SALL4: variants seen among roughly 807,000 people sequenced by gnomAD.
SALL4 encodes the protein sal-like protein 4.
A neutral mutation model predicts 60.8 loss-of-function variants in SALL4; 4 were observed. The ratio of observed to expected loss-of-function variants is 0.07; its 90% CI spans 0.03 to 0.15. The LOEUF (loss-of-function observed/expected upper bound fraction) is 0.15. SALL4 is among the 10% of genes least tolerant of loss of function. SALL4 has a pLI of 1.00. For missense variants in SALL4, 1,178 were observed against 1,394.7 expected (o/e 0.84, Z 2.48); for synonymous variants, 580 against 574.9 (o/e 1.01, Z -0.13).
chr20:51,786,845 A>G (rs1352266191), intron 3 of SALL4, among the ~76,000 whole-genome samples: 1 of 151,956 alleles, frequency 6.6e-6, no homozygotes, highest in African/African-American at 2.4e-5. Flanking sequence ...CTATAATCCC[A>G]TTACTTTGGG....
In SALL4 at chr20:51,784,646, G is replaced by A. The variant is rs200560828; in HGVS notation, c.2781C>T (p.Ala927=). ...CGATGGCCAACTTCCTTCCACGGCG[G>A]GCTGAGTTATTGTTCGCCCCGTGTG... The part of the protein sequence containing the change: ...YMTHGANNNS[A]RRGRKLAIEN... The change falls in exon 4 of 4, where the codon GCC becomes GCT. Residue 927 remains alanine, a synonymous_variant. Coordinates refer to ENST00000217086, the MANE Select transcript of SALL4 (RefSeq NM_020436.5). 1 of 1,614,158 alleles carries A rather than the reference G, an allele frequency of 6.2e-7. No individual in the cohort carries two copies. Among genetic ancestry groups the A allele is most frequent in the Non-Finnish European group, 8.5e-7 (1 of 1,180,038 alleles).
Position 51,790,005 on chromosome 20 carries a change from A to G in SALL4, c.2461+17T>C, listed in dbSNP as rs777580565. 1 of 1,614,070 alleles carries G rather than the reference A, an allele frequency of 6.2e-7. No individual in the cohort carries two copies. The highest frequency in any genetic ancestry group is 1.1e-5 in the South Asian group (1 of 91,056). On this transcript the variant is annotated intron_variant, in intron 2 of 3. Transcript: ENST00000217086. This position sits in a 1 kb window ranked among gnomAD's most constrained non-coding sequence, Gnocchi z 5.5. The stretch of plus-strand genomic sequence containing the variant: ...TGAGCCCAAAATGGACATAAGTTAA[A>G]TCCAAAGCTCTATCACCTTCCATCT...
Position 51,791,801 on chromosome 20 carries a change from G to C in SALL4, c.682C>G (p.Gln228Glu). 6.2e-7 allele frequency: 1 copy of C among 1,614,098 alleles called. No individual in the cohort carries two copies. ...ILCLQQQQLQ[Q>E]IQLTEQIRIQ... ...CGGATCTGCTCGGTGAGCTGGATCT[G>C]CTGTAGCTGCTGCTGCTGCAGACAC... is the stretch of plus-strand genomic sequence containing the variant. Residue 228 changes from glutamine (Q) to glutamate (E), a missense_variant, in exon 2 of 4, where the codon CAG (glutamine) becomes GAG (glutamate). Coordinates refer to ENST00000217086, the MANE Select transcript of SALL4 (RefSeq NM_020436.5). This position sits in a 1 kb window ranked among gnomAD's most constrained non-coding sequence, Gnocchi z 4.6.
chr20:51,784,192 G>A lies in SALL4; in HGVS notation c.*73C>T. On this transcript the variant is annotated 3_prime_UTR_variant, in exon 4 of 4. Transcript: ENST00000217086. The stretch of plus-strand genomic sequence containing the variant: ...TAAGAAAAAGAAAACAGGAGGAGAT[G>A]AGTTCTTACAAAACAAAGCAGATTC... The A allele has an allele frequency of 5.2e-6, 8 of 1,543,944 alleles. No individual in the cohort carries two copies. The South Asian group carries it at 9.0e-5, about 17-fold the overall frequency.
At position 51,782,855 on chromosome 20, in the gene SALL4, C is replaced by T. The variant is rs1170275322; in HGVS notation, c.*1410G>A. 6.6e-6 allele frequency: 1 copy of T among 151,456 alleles called. No individual in the cohort carries two copies. The highest frequency in any genetic ancestry group is 1.5e-5 in the Non-Finnish European group (1 of 67,916). The allele number at this position is 151,456 out of a possible 1,614,324, so 9.4% of individuals were successfully genotyped here. On this transcript the variant is annotated 3_prime_UTR_variant, in exon 4 of 4. Coordinates refer to ENST00000217086, the MANE Select transcript of SALL4 (RefSeq NM_020436.5). ...ATCAACTCTTAGGCTTTAGACAGGG[C>T]CTGGGAATACTTCAGCGGTCTTAAA...
chr20:51,784,020 A>T lies in SALL4; in HGVS notation c.*245T>A, dbSNP rs1049261458. 1 of 428,960 alleles carries T rather than the reference A, an allele frequency of 2.3e-6. No homozygotes were observed. Among genetic ancestry groups the T allele is most frequent in the East Asian group, 4.5e-5 (1 of 22,014 alleles). 26.6% of individuals were successfully genotyped at this position (428,960 alleles called of 1,614,324 possible). On this transcript the variant is annotated 3_prime_UTR_variant, in exon 4 of 4. Coordinates refer to ENST00000217086, the MANE Select transcript of SALL4 (RefSeq NM_020436.5). The stretch of plus-strand genomic sequence containing the variant: ...GGGTGATAGAGCGAGACTCCATCTC[A>T]AAAAAAAAGAGTCTGTATTTGTTTT...
rs1253953903 is a variant in SALL4, at chr20:51,784,269, C to T, written c.3158G>A (p.Ser1053Asn). Residue 1053 changes from serine to asparagine, a missense_variant, in exon 4 of 4, where the codon AGC (serine) becomes AAC (asparagine). This residue lies in a region of SALL4 where 174 missense variants were observed against 169.6 expected (regional missense o/e 1.03). Coordinates refer to ENST00000217086, the MANE Select transcript of SALL4 (RefSeq NM_020436.5). ...TCCTTCCACGCAAGTTCTCCCTTAG[C>T]TGACCGCAATCTTGTTTTCTTCCAG... ...HFLEENKIAV[S>N] 11 of 1,613,636 alleles carry T rather than the reference C, an allele frequency of 6.8e-6. No homozygotes were observed. Among genetic ancestry groups the T allele is most frequent in the Admixed American group, 1.7e-5 (1 of 59,988 alleles).
chr20:51,792,247 G>A lies in SALL4; in HGVS notation c.236C>T (p.Ala79Val), dbSNP rs749395357. The A allele has an allele frequency of 1.1e-5, 17 of 1,613,736 alleles. No individual in the cohort carries two copies. Among genetic ancestry groups the A allele is most frequent in the Admixed American group, 1.7e-5 (1 of 59,972 alleles). Residue 79 changes from alanine (A) to valine (V), a missense_variant, in exon 2 of 4, where the codon GCG becomes GTG. Coordinates refer to ENST00000217086, the MANE Select transcript of SALL4 (RefSeq NM_020436.5). ...EETHVCEKCC[A>V]EFFSISEFLE... ...GAACTCAGAGATGCTGAAGAACTCC[G>A]CACAGCATTTCTCACAGACGTGCGT...
chr20:51,792,272 T>C lies in SALL4; in HGVS notation c.211A>G (p.Thr71Ala). The C allele has an allele frequency of 6.2e-7, 1 of 1,612,876 alleles. No homozygotes were observed. The highest frequency in any genetic ancestry group is 8.5e-7 in the Non-Finnish European group (1 of 1,180,006). The change falls in exon 2 of 4, where the codon ACG (threonine) becomes GCG (alanine). Residue 71 changes from threonine (T) to alanine (A), a missense_variant. Transcript: ENST00000217086. ...GCACAGCATTTCTCACAGACGTGCG[T>C]CTCCTCCCGACGAAGCCGCTTTACT... ...ATVKRLRREETHVCEKCCAEF... is the reference protein window; with the variant it reads ...ATVKRLRREEAHVCEKCCAEF...
At chr20:51,793,267 T>C (rs1482339753) in intron 1 of SALL4, among the ~76,000 whole-genome samples, 2 of 152,006 alleles carry the variant, frequency 1.3e-5, no homozygotes, top group African/African-American at 4.8e-5. Context: ...GAGGCCACTT[T>C]TGAGAGGCCG....
rs1568866688 is a variant in SALL4, at chr20:51,792,712, C to CAAAAAAAAAA, written c.131-361_131-360insTTTTTTTTTT. ...TCAAAAAAAAAAAAAAAAAAAAAGG[C>CAAAAAAAAAA]AAAAAGGCTGATCCCTGAATTTCTT... is the stretch of plus-strand genomic sequence containing the variant. On this transcript the variant is annotated intron_variant, in intron 1 of 3. Coordinates refer to ENST00000217086, the MANE Select transcript of SALL4 (RefSeq NM_020436.5). 5.0e-5 allele frequency: 26 copies of CAAAAAAAAAA among 519,498 alleles called. 1 individual carries two copies. The highest frequency in any genetic ancestry group is 9.2e-5 in the African/African-American group (3 of 32,560). 32.2% of individuals were successfully genotyped at this position (519,498 alleles called of 1,614,324 possible).
intron 1 of SALL4, chr20:51,792,688 CAAAAAAAA>C (rs57662451): frequency 1.0e-4 from 18 of 179,858 alleles, no homozygotes; most frequent in South Asian, 2.4e-4. Context: ...GACTCCATCT[CAAAAAAAA>C]AAAAAAAAAA....
chr20:51,783,879 G>A lies in SALL4; in HGVS notation c.*386C>T, dbSNP rs2122950374. ...CTACTCAAAATACAAAATTAGCCGG[G>A]CGTGGTGGCACCTGCCTGTAATCCC... On this transcript the variant is annotated 3_prime_UTR_variant, in exon 4 of 4. Transcript: ENST00000217086. 3.7e-6 allele frequency: 1 copy of A among 273,164 alleles called. No homozygotes were observed. Among genetic ancestry groups the A allele is most frequent in the East Asian group, 9.8e-5 (1 of 10,208 alleles). The allele number at this position is 273,164 out of a possible 1,614,324, so 16.9% of individuals were successfully genotyped here.
rs1307939699 is a variant in SALL4 at position 51,788,335 on chromosome 20, G to A, written c.2742+526C>T. On this transcript the variant is annotated intron_variant, in intron 3 of 3. Transcript: ENST00000217086. The surrounding 1 kb of genome is among the most constrained non-coding windows in gnomAD (Gnocchi z 4.1). ...ATGCCCAACTAATTTGTGTGTGTGT[G>A]TGTGTGTGTGTGTGTGTGTGTGTAA... is the stretch of plus-strand genomic sequence containing the variant. Among the ~76,000 whole-genome samples, 2 of 150,470 alleles carry A rather than the reference G, an allele frequency of 1.3e-5. No homozygotes were observed. Among genetic ancestry groups the A allele is most frequent in the East Asian group, 4.0e-4 (2 of 5,024 alleles).
Position 51,791,026 on chromosome 20 carries a change from G to A in SALL4, c.1457C>T (p.Pro486Leu). 1 of 1,614,170 alleles carries A rather than the reference G, an allele frequency of 6.2e-7. No homozygotes were observed. Among genetic ancestry groups the A allele is most frequent in the Non-Finnish European group, 8.5e-7 (1 of 1,180,028 alleles). Reference sequence around the variant, plus strand: ...ATTAGTCCCCGAAGAAAGATTCTGAGGTAGCCCTACAGAGGTGGTTACAAG... The same window carrying A: ...ATTAGTCCCCGAAGAAAGATTCTGAAGTAGCCCTACAGAGGTGGTTACAAG... Reference protein sequence around the residue: ...PVLVTTSVGLPQNLSSGTNPK... With the variant: ...PVLVTTSVGLLQNLSSGTNPK... The change falls in exon 2 of 4, where the codon CCT becomes CTT. Residue 486 changes from proline (P) to leucine (L), a missense_variant. By Grantham distance (98) the Pro-to-Leu change is moderately conservative (BLOSUM62 -3). Coordinates refer to ENST00000217086, the MANE Select transcript of SALL4 (RefSeq NM_020436.5). The surrounding 1 kb of genome is among the most constrained non-coding windows in gnomAD (Gnocchi z 4.6).
chr20:51,789,835 A>G (rs2078021480), intron 2 of SALL4, among the ~76,000 whole-genome samples, 187 bp downstream of exon 2: 1 of 152,240 alleles, frequency 6.6e-6, no homozygotes, highest in Admixed American at 6.5e-5. Flanking sequence ...ATCATAAATT[A>G]AAAGCATGTT....
chr20:51,789,566 C>G (rs1038928219), intron 2 of SALL4, among the ~76,000 whole-genome samples: 1 of 152,086 alleles, frequency 6.6e-6, no homozygotes, highest in African/African-American at 2.4e-5. Flanking sequence ...TCAAGAGTGG[C>G]TAATTTGTGA....
chr20:51,798,875 C>A (rs67007376), intron 1 of SALL4, among the ~76,000 whole-genome samples: 4,186 of 146,836 alleles, frequency 0.029, 85 homozygotes, highest in Middle Eastern at 0.062. Context: ...CAAAACAAAA[C>A]AAAAAAAACA....
rs754101984 is a variant in SALL4 at position 51,792,319 on chromosome 20, A to G, written c.164T>C (p.Val55Ala). Reference protein sequence around the residue: ...APVNHPGNDEVASEDEATVKR... With the variant: ...APVNHPGNDEAASEDEATVKR... ...TACTGTGGCTTCATCCTCACTCGCC[A>G]CCTCGTCATTCCCTGGGTGGTTCAC... Residue 55 changes from valine to alanine, a missense_variant, in exon 2 of 4, where the codon GTG (valine) becomes GCG (alanine). Val to Ala is a moderately conservative substitution (Grantham distance 64, BLOSUM62 0). Around this residue, in one of 5 missense-constraint regions of SALL4, gnomAD observed 108 missense variants for 95.7 expected, o/e 1.13. Transcript: ENST00000217086. 1 of 1,606,142 alleles carries G rather than the reference A, an allele frequency of 6.2e-7. No individual in the cohort carries two copies. Among genetic ancestry groups the G allele is most frequent in the Non-Finnish European group, 8.5e-7 (1 of 1,179,982 alleles).
Sources: gnomAD v4.1 joint callset for allele counts (sites outside exome capture counted in the v4.1 genomes callset) on GRCh38, gnomAD v4.1.1 for gene constraint, gnomAD v4.1.1 regional missense constraint, Gnocchi (gnomAD v3.1) non-coding constraint, MANE v1.5 for transcripts, NCBI Gene and HGNC (gene_info 2026-07-23, HGNC 2026-07-21) for gene names.